Variants in SCN8A observed in about 807,000 individuals in gnomAD.
The protein encoded by SCN8A is sodium channel protein type 8 subunit alpha.
A neutral mutation model predicts 184.1 loss-of-function variants in SCN8A; 30 were observed. The ratio of observed to expected loss-of-function variants is 0.16; its 90% confidence interval spans 0.12 to 0.22. SCN8A has a LOEUF of 0.22. Ranked by LOEUF, SCN8A falls within the 10% of genes least tolerant of loss-of-function variation. The pLI, the probability that SCN8A is intolerant of heterozygous loss-of-function variation, is 1.00. For synonymous variants in SCN8A, 852 were observed against 907.0 expected, an observed-to-expected ratio of 0.94 and a Z score of 1.09; for missense variants, 1,057 against 2,498.9, an observed-to-expected ratio of 0.42 and a Z score of 12.30.
At chr12:51,607,608 A>G (rs940350603) in intron 1 of SCN8A, among the ~76,000 whole-genome samples, 3 of 152,152 alleles carry the variant, frequency 2.0e-5, no homozygotes, top group African/African-American at 7.2e-5. Context: ...TGTCCCTTGT[A>G]TGCCGATTTT....
At chr12:51,773,747 C>T (rs1942965843) in intron 19 of SCN8A, among the ~76,000 whole-genome samples, 1 of 152,188 alleles carries the variant, frequency 6.6e-6, no homozygotes, top group African/African-American at 2.4e-5. Context: ...TACACATGTC[C>T]ATCAACTGAT....
chr12:51,697,031 T>A (rs1592386128), intron 6 of SCN8A, among the ~76,000 whole-genome samples: 1 of 90,472 alleles, frequency 1.1e-5, no homozygotes. Flanking sequence ...AGAGCGAGAA[T>A]CCGACTCAAA....
Position 51,639,133 on chromosome 12 carries a change from C to T in SCN8A, c.-54-23631C>T, listed in dbSNP as rs1239011597. Among the ~76,000 whole-genome samples, 12 of 152,152 alleles carry T rather than the reference C, an allele frequency of 7.9e-5. No individual in the cohort carries two copies. The East Asian group carries it at 2.1e-3, about 27-fold the overall frequency. On this transcript the variant is annotated intron_variant, in intron 1 of 26. Coordinates refer to ENST00000627620, the MANE Select transcript of SCN8A (RefSeq NM_001330260.2). Reference sequence around the variant, plus strand: ...AGCTGGGACTACAGGCTTCAGCCACCACACCTGGCTAATTTTTGTATTTTT... The same window carrying T: ...AGCTGGGACTACAGGCTTCAGCCACTACACCTGGCTAATTTTTGTATTTTT...
Position 51,768,995 on chromosome 12 carries a change from C to T in SCN8A, c.3032C>T (p.Thr1011Ile). ...CGTATCAAGAAGGGTGTGGCCTGGA[C>T]CAAACTAAAGGTGCACGCCTTCATG... is the stretch of plus-strand genomic sequence containing the variant. ...VIRIKKGVAW[T>I]KLKVHAFMQA... Residue 1011 changes from threonine (T) to isoleucine (I), a missense_variant, in exon 17 of 27, where the codon ACC (threonine) becomes ATC (isoleucine). Thr to Ile is a moderately conservative substitution (Grantham distance 89). Around this residue, in one of 19 missense-constraint regions of SCN8A, gnomAD observed 178 missense variants for 259.6 expected, o/e 0.69. Coordinates refer to ENST00000627620, the MANE Select transcript of SCN8A (RefSeq NM_001330260.2). 1.2e-6 allele frequency: 2 copies of T among 1,613,966 alleles called. No homozygotes were observed. The highest frequency in any genetic ancestry group is 1.7e-6 in the Non-Finnish European group (2 of 1,179,894).
chr12:51,626,106 A>G (rs1378153043), intron 1 of SCN8A, among the ~76,000 whole-genome samples: 5 of 152,186 alleles, frequency 3.3e-5, no homozygotes, highest in African/African-American at 9.7e-5. Flanking sequence ...AGCTCTTACT[A>G]TGTTTTCCTT....
rs957905474 is a variant in SCN8A, at chr12:51,721,565, G to C, written c.1655G>C (p.Gly552Ala). 2.5e-6 allele frequency: 4 copies of C among 1,603,876 alleles called. No individual in the cohort carries two copies. The highest frequency in any genetic ancestry group is 1.1e-5 in the South Asian group (1 of 88,884). The change falls in exon 12 of 27, where the codon GGC becomes GCC. Residue 552 changes from glycine to alanine, a missense_variant. Coordinates refer to ENST00000627620, the MANE Select transcript of SCN8A (RefSeq NM_001330260.2). ...IMNQSLLSIP[G>A]SPFLSRHNSK... ...CTGCAGTCACTGCTCAGCATCCCAG[G>C]CTCGCCCTTCCTCTCCCGCCACAAC...
Position 51,686,487 on chromosome 12 carries a change from T to G in SCN8A, c.485+30T>G, listed in dbSNP as rs1202489805. The G allele has an allele frequency of 7.0e-6, 10 of 1,437,238 alleles. No individual in the cohort carries two copies. The South Asian group carries it at 1.1e-4, about 15-fold the overall frequency. The allele number at this position is 1,437,238 out of a possible 1,614,324, so 89.0% of individuals were successfully genotyped here. ...GTAACTCATTTATGTGTGTGCTTGT[T>G]TGTTTTAAATATTTTTAGTCACTAA... On this transcript the variant is annotated intron_variant, in intron 4 of 26. Coordinates refer to ENST00000627620, the MANE Select transcript of SCN8A (RefSeq NM_001330260.2).
chr12:51,738,518 T>A (rs1942364862), intron 12 of SCN8A, among the ~76,000 whole-genome samples: 1 of 152,194 alleles, frequency 6.6e-6, no homozygotes, highest in African/African-American at 2.4e-5. Flanking sequence ...ATTTCACAGG[T>A]AGGACGTTTA....
In SCN8A at chr12:51,788,718, C is replaced by T; in HGVS notation, c.4251C>T (p.Asp1417=). 1.2e-6 allele frequency: 2 copies of T among 1,609,182 alleles called. No homozygotes were observed. Among genetic ancestry groups the T allele is most frequent in the South Asian group, 1.1e-5 (1 of 89,986 alleles). The part of the protein sequence containing the change: ...LQVATFKGWM[D]IMYAAVDSRK... ...AGGCAACCTTCAAAGGCTGGATGGA[C>T]ATCATGTATGCAGCTGTAGATTCCC... Residue 1417 remains aspartate (D), a synonymous_variant, in exon 23 of 27, where the codon GAC becomes GAT. Transcript: ENST00000627620.
intron 1 of SCN8A, among the ~76,000 whole-genome samples, chr12:51,615,095 GT>G (rs1394930928): frequency 1.3e-5 from 2 of 149,898 alleles, no homozygotes; most frequent in African/African-American, 4.9e-5. Flanking sequence ...CATTTTATTT[GT>G]TTTCTATTTC....
chr12:51,780,901 A>T, intron 21 of SCN8A, 130 bp downstream of exon 21: 2 of 1,157,924 alleles, frequency 1.7e-6, no homozygotes. Flanking sequence ...TTGATCCTCC[A>T]CTCTCTCCCC....
intron 20 of SCN8A, among the ~76,000 whole-genome samples, chr12:51,777,960 T>G (rs1937762346): frequency 6.6e-6 from 1 of 152,244 alleles, no homozygotes; most frequent in Non-Finnish European, 1.5e-5. Context: ...CTTTCAATTC[T>G]TTTGGAGTTA....
chr12:51,616,244 T>A (rs1471964337), intron 1 of SCN8A, among the ~76,000 whole-genome samples: 1 of 152,232 alleles, frequency 6.6e-6, no homozygotes. Context: ...TGAGAATTTC[T>A]GTATTTCATC....
intron 1 of SCN8A, among the ~76,000 whole-genome samples, chr12:51,626,180 GC>G (rs1940074388): frequency 6.6e-6 from 1 of 152,138 alleles, no homozygotes; most frequent in Non-Finnish European, 1.5e-5. Context: ...ATTCCAGTGG[GC>G]TTTAGGGCTG....
Position 51,810,364 on chromosome 12 carries a change from A to C in SCN8A, c.*2935A>C. The stretch of plus-strand genomic sequence containing the variant: ...CCACACTTCTTTGGTAGTAAATGAC[A>C]CCATCACCAGCAGTTTACACCCGCA... On this transcript the variant is annotated 3_prime_UTR_variant, in exon 27 of 27. Coordinates refer to ENST00000627620, the MANE Select transcript of SCN8A (RefSeq NM_001330260.2). The C allele has an allele frequency of 2.4e-6, 1 of 410,936 alleles. No homozygotes were observed. The highest frequency in any genetic ancestry group is 1.7e-5 in the South Asian group (1 of 58,762). The allele number at this position is 410,936 out of a possible 1,614,324, so 25.5% of individuals were successfully genotyped here.
At chr12:51,766,454 G>T (rs1942839753) in intron 16 of SCN8A, among the ~76,000 whole-genome samples, 1 of 152,082 alleles carries the variant, frequency 6.6e-6, no homozygotes, top group Non-Finnish European at 1.5e-5. Flanking sequence ...GCATTGTAGG[G>T]TTTAGCAGCG....
At chr12:51,722,013 G>A (rs569683652) in intron 12 of SCN8A, 105 bp downstream of exon 12, 2 of 1,581,524 alleles carry the variant, frequency 1.3e-6, no homozygotes, top group African/African-American at 2.7e-5. Context: ...CTCTTTCCCT[G>A]CTCTGCCCAT....
chr12:51,704,201 T>C (rs1285988374), intron 9 of SCN8A, among the ~76,000 whole-genome samples: 2 of 152,024 alleles, frequency 1.3e-5, no homozygotes, highest in Non-Finnish European at 2.9e-5. Flanking sequence ...TGGCCCATTT[T>C]GTGGTTAACA....
intron 26 of SCN8A, among the ~76,000 whole-genome samples, chr12:51,799,343 G>C (rs1246157979): frequency 6.6e-6 from 1 of 152,202 alleles, no homozygotes; most frequent in Non-Finnish European, 1.5e-5. Flanking sequence ...AGATGGGTCA[G>C]AGAGCACCTA....
Sources: allele counts gnomAD v4.1 joint callset (sites outside exome capture counted in the v4.1 genomes callset), GRCh38; gene constraint gnomAD v4.1.1; regional missense constraint gnomAD v4.1.1; transcripts MANE v1.5; gene names NCBI Gene and HGNC (gene_info 2026-07-23, HGNC 2026-07-21).